Variants in PALLD observed in about 807,000 individuals in gnomAD.
PALLD encodes the protein palladin.
A neutral mutation model predicts 123.5 loss-of-function variants in PALLD; 61 were observed. That is an observed-to-expected ratio of 0.49 (90% CI 0.40 to 0.61). The LOEUF is 0.61. Among genes scored for constraint, PALLD ranks in the 20% least tolerant of loss-of-function variants. PALLD has a pLI of 0.00. For missense variants in PALLD, 1,273 were observed against 1,377.0 expected (o/e 0.92, Z 1.20); for synonymous variants, 465 against 496.4 (o/e 0.94, Z 0.84).
intron 2 of PALLD, among the ~76,000 whole-genome samples, chr4:168,547,801 C>A (rs1406721364): frequency 4.6e-5 from 7 of 151,918 alleles, no homozygotes; most frequent in African/African-American, 1.7e-4. Flanking sequence ...CAAAAATTAG[C>A]TGGGCGTGGT....
At chr4:168,717,469 G>A (rs112260229) in intron 10 of PALLD, among the ~76,000 whole-genome samples, 67 of 152,102 alleles carry the variant, frequency 4.4e-4, no homozygotes, top group Admixed American at 1.2e-3. Flanking sequence ...TCCTGCCTCA[G>A]CCTCCCGAGT....
At chr4:168,685,835 A>T (rs1366697113) in intron 6 of PALLD, among the ~76,000 whole-genome samples, 3 of 134,704 alleles carry the variant, frequency 2.2e-5, no homozygotes, top group Non-Finnish European at 3.2e-5. Flanking sequence ...AAAAAAAAAA[A>T]CCTGCTGTGT....
chr4:168,799,620 T>C (rs1739023280), intron 10 of PALLD, among the ~76,000 whole-genome samples: 1 of 152,234 alleles, frequency 6.6e-6, no homozygotes, highest in Non-Finnish European at 1.5e-5. Context: ...ATTCCTGTGC[T>C]TGTTAAGTAA....
At chr4:168,703,779 G>C (rs888985328) in intron 8 of PALLD, among the ~76,000 whole-genome samples, 3 of 143,968 alleles carry the variant, frequency 2.1e-5, no homozygotes, top group South Asian at 2.2e-4. Flanking sequence ...TTGTAAATTT[G>C]TTTGAGTTCA....
intron 2 of PALLD, among the ~76,000 whole-genome samples, chr4:168,552,314 T>C (rs1020363633): frequency 6.6e-6 from 1 of 152,160 alleles, no homozygotes; most frequent in African/African-American, 2.4e-5. Context: ...TGGATTCATT[T>C]GGTTTTTTGA....
At chr4:168,501,340 C>A (rs1761378869) in intron 1 of PALLD, among the ~76,000 whole-genome samples, 1 of 152,046 alleles carries the variant, frequency 6.6e-6, no homozygotes. Context: ...TTTGAGCCCA[C>A]TAGATCAAGG....
chr4:168,671,367 C>A (rs1395438441), intron 3 of PALLD, among the ~76,000 whole-genome samples: 1 of 152,228 alleles, frequency 6.6e-6, no homozygotes, highest in Admixed American at 6.5e-5. Context: ...TGGTACGTAT[C>A]TTTCATGTTC....
At chr4:168,787,811 A>G (rs1736959012) in intron 10 of PALLD, among the ~76,000 whole-genome samples, 1 of 152,242 alleles carries the variant, frequency 6.6e-6, no homozygotes, top group Admixed American at 6.5e-5. Flanking sequence ...CGAAGCAATA[A>G]GCTTTTCAGA....
chr4:168,641,306 A>G (rs967241411), intron 2 of PALLD, among the ~76,000 whole-genome samples: 9 of 152,048 alleles, frequency 5.9e-5, no homozygotes, highest in African/African-American at 1.9e-4. Context: ...TTTAATAAGC[A>G]CCGTAGAGGG....
chr4:168,639,185 A>C (rs1185867044), intron 2 of PALLD, among the ~76,000 whole-genome samples: 2 of 152,252 alleles, frequency 1.3e-5, no homozygotes, highest in Non-Finnish European at 2.9e-5. Context: ...TGAATATCAC[A>C]GAATGTGAAT....
intron 6 of PALLD, among the ~76,000 whole-genome samples, chr4:168,687,717 A>G (rs1184802436): frequency 1.3e-5 from 2 of 152,126 alleles, no homozygotes; most frequent in African/African-American, 4.8e-5. Context: ...TAAGTACAAA[A>G]TCCTGTTTCC....
chr4:168,735,383 G>A (rs1009656372), intron 10 of PALLD, among the ~76,000 whole-genome samples: 1 of 152,148 alleles, frequency 6.6e-6, no homozygotes, highest in African/African-American at 2.4e-5. Context: ...TTTAGAATAC[G>A]TCCTTCACTT....
chr4:168,584,343 C>T (rs1028513766), intron 2 of PALLD, among the ~76,000 whole-genome samples: 14 of 152,086 alleles, frequency 9.2e-5, no homozygotes, highest in Admixed American at 3.9e-4. Flanking sequence ...GTTAAGAATG[C>T]CAATAGGCAT....
chr4:168,721,352 G>A (rs971375756), intron 10 of PALLD, among the ~76,000 whole-genome samples: 2 of 152,012 alleles, frequency 1.3e-5, no homozygotes, highest in Non-Finnish European at 2.9e-5. Context: ...TGAACAATAT[G>A]CTCATAGATA....
At chr4:168,628,367 G>A (rs1430751778) in intron 2 of PALLD, among the ~76,000 whole-genome samples, 1 of 152,194 alleles carries the variant, frequency 6.6e-6, no homozygotes, top group East Asian at 1.9e-4. Context: ...CTGTTGCTCT[G>A]AGGGTAAGTC....
chr4:168,854,514 G>A (rs1194643055), intron 10 of PALLD, among the ~76,000 whole-genome samples: 1 of 152,198 alleles, frequency 6.6e-6, no homozygotes, highest in Non-Finnish European at 1.5e-5. Flanking sequence ...CGATTTTGTA[G>A]GTGGGAAGCT....
intron 2 of PALLD, among the ~76,000 whole-genome samples, chr4:168,530,161 C>T (rs4323069): frequency 0.42 from 63,459 of 151,992 alleles, 14,360 homozygotes; most frequent in African/African-American, 0.6. Flanking sequence ...CTAATTTATC[C>T]ACTGCAATTG....
chr4:168,891,191 C>G, intron 11 of PALLD, 134 bp downstream of exon 11: 3 of 931,416 alleles, frequency 3.2e-6, no homozygotes, highest in Non-Finnish European at 5.1e-6. Context: ...GAGACAGGGT[C>G]ACACTTTGTC....
In PALLD at chr4:168,744,909, C is replaced by T. The variant is rs142130992; in HGVS notation, c.1964+32986C>T. Among the ~76,000 whole-genome samples the T allele has an allele frequency of 4.4e-3, 672 of 152,148 alleles. 6 individuals carry two copies. The highest frequency in any genetic ancestry group is 0.015 in the African/African-American group (637 of 41,494). On this transcript the variant is annotated intron_variant, in intron 10 of 21. Coordinates refer to ENST00000505667, the MANE Select transcript of PALLD (RefSeq NM_001166108.2). ...TAAAGGTAGGCTGAGCTATGATGTT[C>T]GGTAGGTTAGGCGTATTAAATGCAT...
Sources: allele counts gnomAD v4.1 joint callset (sites outside exome capture counted in the v4.1 genomes callset), GRCh38; gene constraint gnomAD v4.1.1; transcripts MANE v1.5; gene names NCBI Gene and HGNC (gene_info 2026-07-23, HGNC 2026-07-21).